Variants in CACNA1I observed in about 807,000 individuals in gnomAD.
CACNA1I encodes calcium voltage-gated channel subunit alpha1 I.
Under a neutral mutation model 201.6 loss-of-function variants are expected in CACNA1I, and 74 were observed. The ratio of observed to expected loss-of-function variants is 0.37; its 90% CI spans 0.30 to 0.45. The LOEUF (loss-of-function observed/expected upper bound fraction) is 0.45, where lower values mean the gene tolerates loss of function less well. Among genes scored for constraint, CACNA1I ranks in the 20% least tolerant of loss-of-function variants. The probability of loss-of-function intolerance (pLI) is 1.00; values close to 1 mark genes in which losing one functional copy is unlikely to be tolerated. For missense variants in CACNA1I, 2,346 were observed against 3,138.1 expected (o/e 0.75, Z 6.03); for synonymous variants, 1,431 against 1,345.2 (o/e 1.06, Z -1.40).
Position 39,679,111 on chromosome 22 carries a change from C to A in CACNA1I, c.5060C>A (p.Thr1687Lys). Residue 1687 changes from threonine to lysine, a missense_variant, in exon 32 of 37, where the codon ACG becomes AAG. By Grantham distance (78) the Thr-to-Lys change is moderately conservative. Coordinates refer to ENST00000402142, the MANE Select transcript of CACNA1I (RefSeq NM_021096.4). ...ACCGCCCTCCCTGCCACGCAGGACA[C>A]GCTGCGGGACTGCACCCACGACGAG... is the stretch of plus-strand genomic sequence containing the variant. ...GDNWNGIMKD[T>K]LRDCTHDERS... 1 of 1,583,734 alleles carries A rather than the reference C, an allele frequency of 6.3e-7. No individual in the cohort carries two copies. The highest frequency in any genetic ancestry group is 8.6e-7 in the Non-Finnish European group (1 of 1,164,634).
At chr22:39,586,462 A>C (rs1252239407) in intron 1 of CACNA1I, among the ~76,000 whole-genome samples, 1 of 152,126 alleles carries the variant, frequency 6.6e-6, no homozygotes, top group African/African-American at 2.4e-5. Context: ...ACTGCAATCC[A>C]GCCTGGGTGA....
At position 39,649,129 on chromosome 22, in the gene CACNA1I, C is replaced by A. The variant is rs2146429999; in HGVS notation, c.1568-372C>A. Among the ~76,000 whole-genome samples the A allele has an allele frequency of 6.6e-6, 1 of 152,344 alleles. No homozygotes were observed. The highest frequency in any genetic ancestry group is 1.9e-4 in the East Asian group (1 of 5,186). The stretch of plus-strand genomic sequence containing the variant: ...TGGCCTGACTCTTTCAGAATCACAT[C>A]TAGTTCCCAAGCTGCACGACTGGGG... On this transcript the variant is annotated intron_variant, in intron 9 of 36. Transcript: ENST00000402142. This position sits in a 1 kb window ranked among gnomAD's most constrained non-coding sequence, Gnocchi z 7.3.
At position 39,684,593 on chromosome 22, in the gene CACNA1I, A is replaced by C; in HGVS notation, c.6027+95A>C. The C allele has an allele frequency of 7.2e-7, 1 of 1,383,142 alleles. No individual in the cohort carries two copies. Among genetic ancestry groups the C allele is most frequent in the Non-Finnish European group, 1.0e-6 (1 of 996,222 alleles). The allele number at this position is 1,383,142 out of a possible 1,614,324, so 85.7% of individuals were successfully genotyped here. A position where few individuals can be genotyped will look rare whatever the true frequency, so the allele number is the denominator to read the frequency against. Reference sequence around the variant, plus strand: ...AGTCCAAGGGACTGGGAGGGGAAGGACCCAACCAAAGGCCGAGGGCACCAC... The same window carrying C: ...AGTCCAAGGGACTGGGAGGGGAAGGCCCCAACCAAAGGCCGAGGGCACCAC... On this transcript the variant is annotated intron_variant, in intron 36 of 36. Coordinates refer to ENST00000402142, the MANE Select transcript of CACNA1I (RefSeq NM_021096.4). The surrounding 1 kb of genome is among the most constrained non-coding windows in gnomAD (Gnocchi z 4.6).
At position 39,600,519 on chromosome 22, in the gene CACNA1I, G is replaced by A. The variant is rs1217255421; in HGVS notation, c.349-1G>A. ...TTGCTTCCCTCCTCCTGCCCCTGCA[G>A]GTCTTTGATGACTTCATCTTTATCT... On this transcript the variant is annotated splice_acceptor_variant, in intron 2 of 36. Coordinates refer to ENST00000402142, the MANE Select transcript of CACNA1I (RefSeq NM_021096.4). LOFTEE classifies it high-confidence loss of function. 1 of 1,610,972 alleles carries A rather than the reference G, an allele frequency of 6.2e-7. No homozygotes were observed. The highest frequency in any genetic ancestry group is 2.2e-5 in the East Asian group (1 of 44,676).
At chr22:39,578,010 G>A (rs1932416862) in intron 1 of CACNA1I, among the ~76,000 whole-genome samples, 1 of 151,856 alleles carries the variant, frequency 6.6e-6, no homozygotes, top group South Asian at 2.1e-4. Context: ...GTGCTGAGTG[G>A]CAGCTGTGTG....
At position 39,665,798 on chromosome 22, in the gene CACNA1I, G is replaced by A. The variant is rs769749596; in HGVS notation, c.3979-83G>A. ...CAGATGACTGAGCACAAGACAGTCT[G>A]AGTAAACGCGATCGAGAGGCGAGTT... On this transcript the variant is annotated intron_variant, in intron 22 of 36. Transcript: ENST00000402142. The surrounding 1 kb of genome is among the most constrained non-coding windows in gnomAD (Gnocchi z 5.5). 9 of 1,588,968 alleles carry A rather than the reference G, an allele frequency of 5.7e-6. No individual in the cohort carries two copies. Among genetic ancestry groups the A allele is most frequent in the South Asian group, 1.1e-5 (1 of 89,698 alleles).
At chr22:39,681,144 T>G in intron 34 of CACNA1I, 92 bp downstream of exon 34, 1 of 1,430,516 alleles carries the variant, frequency 7.0e-7, no homozygotes, top group South Asian at 1.4e-5. Flanking sequence ...CTTTCCAGTC[T>G]ACCATGTAAA....
At chr22:39,616,512 C>T (rs1311976018) in intron 3 of CACNA1I, among the ~76,000 whole-genome samples, 1 of 151,976 alleles carries the variant, frequency 6.6e-6, no homozygotes, top group African/African-American at 2.4e-5. Flanking sequence ...CGCCTGTAAT[C>T]CCAGCACTTT....
chr22:39,683,208 G>A (rs1423861309), intron 35 of CACNA1I, among the ~76,000 whole-genome samples: 3 of 152,094 alleles, frequency 2.0e-5, no homozygotes, highest in Non-Finnish European at 4.4e-5. Context: ...GACTAAGCTG[G>A]CCTGCCATCA....
rs547848213 is a variant in CACNA1I at position 39,670,800 on chromosome 22, C to T, written c.4388-3C>T. The T allele has an allele frequency of 1.2e-6, 2 of 1,613,868 alleles. No individual in the cohort carries two copies. The highest frequency in any genetic ancestry group is 3.3e-5 in the Admixed American group (2 of 60,022). ...TTTGCCACTCCCCCTGCACCACCTG[C>T]AGAGGCCCAGCGGCTGCCCTACTAT... is the stretch of plus-strand genomic sequence containing the variant. On this transcript the variant is annotated splice_polypyrimidine_tract_variant and splice_region_variant and intron_variant, in intron 25 of 36. Transcript: ENST00000402142.
intron 1 of CACNA1I, among the ~76,000 whole-genome samples, chr22:39,597,553 C>T (rs1932919021): frequency 6.6e-6 from 1 of 152,236 alleles, no homozygotes; most frequent in South Asian, 2.1e-4. Flanking sequence ...ACTGAGGGGC[C>T]CAGCCCCACC....
At chr22:39,654,484 C>T (rs902130518) in intron 10 of CACNA1I, among the ~76,000 whole-genome samples, 1 of 146,322 alleles carries the variant, frequency 6.8e-6, no homozygotes, top group Admixed American at 6.6e-5. Context: ...GTTACTGGCC[C>T]CAGCTCCCAG....
intron 32 of CACNA1I, 41 bp downstream of exon 32, chr22:39,679,486 G>C: frequency 2.3e-6 from 3 of 1,313,696 alleles, no homozygotes; most frequent in Non-Finnish European, 2.0e-6. Context: ...GCCAGAGGGG[G>C]GGCACCGCAG....
In CACNA1I at chr22:39,672,600, G is replaced by C. The variant is rs114651363; in HGVS notation, c.4649+292G>C. On this transcript the variant is annotated intron_variant, in intron 27 of 36. Transcript: ENST00000402142. ...TCATGCTAATACTCCTTTTTGAAGG[G>C]AATAGTGAGGCTCAAAGAAGTTGAT... Among the ~76,000 whole-genome samples, 887 of 152,308 alleles carry C rather than the reference G, an allele frequency of 5.8e-3. 2 individuals are homozygous for C. Among genetic ancestry groups the C allele is most frequent in the African/African-American group, 0.019 (806 of 41,558 alleles).
In CACNA1I at chr22:39,670,867, C is replaced by T; in HGVS notation, c.4452C>T (p.Cys1484=). The T allele has an allele frequency of 6.2e-7, 1 of 1,613,866 alleles. No homozygotes were observed. The highest frequency in any genetic ancestry group is 8.5e-7 in the Non-Finnish European group (1 of 1,179,804). ...CCCGGCTGCTCATCCACTCCATGTG[C>T]ACCAGCCACTACCTGGACATCTTCA... ...CHTRLLIHSM[C]TSHYLDIFIT... is the part of the protein sequence containing the mutation. The change falls in exon 26 of 37, where the codon TGC becomes TGT. Residue 1484 remains cysteine (C), a synonymous_variant. Coordinates refer to ENST00000402142, the MANE Select transcript of CACNA1I (RefSeq NM_021096.4).
chr22:39,641,410 A>G (rs944088161), intron 6 of CACNA1I, among the ~76,000 whole-genome samples: 1 of 152,272 alleles, frequency 6.6e-6, no homozygotes, highest in Non-Finnish European at 1.5e-5. Flanking sequence ...TGGCAAAAAT[A>G]GGCTCTTAAC....
chr22:39,669,360 C>G (rs537932361), intron 24 of CACNA1I, among the ~76,000 whole-genome samples: 2 of 152,226 alleles, frequency 1.3e-5, no homozygotes, highest in Admixed American at 6.5e-5. Flanking sequence ...TCCTCACCCC[C>G]ACCAGTGCAT....
In CACNA1I at chr22:39,676,223, C is replaced by G. The variant is rs996800544; in HGVS notation, c.4855-1118C>G. Among the ~76,000 whole-genome samples, 1 of 152,202 alleles carries G rather than the reference C, an allele frequency of 6.6e-6. No individual in the cohort carries two copies. The highest frequency in any genetic ancestry group is 1.5e-5 in the Non-Finnish European group (1 of 68,036). On this transcript the variant is annotated intron_variant, in intron 29 of 36. Coordinates refer to ENST00000402142, the MANE Select transcript of CACNA1I (RefSeq NM_021096.4). The surrounding 1 kb of genome is among the most constrained non-coding windows in gnomAD (Gnocchi z 4.8). Reference sequence around the variant, plus strand: ...GCACAAAGCTGAATTCCTAGAGCCGCGACCACGCCAGATCCTTCTCAGCGG... The same window carrying G: ...GCACAAAGCTGAATTCCTAGAGCCGGGACCACGCCAGATCCTTCTCAGCGG...
In CACNA1I at chr22:39,660,255, G is replaced by A. The variant is rs182473218; in HGVS notation, c.2605-89G>A. 133 of 966,778 alleles carry A rather than the reference G, an allele frequency of 1.4e-4. No individual in the cohort carries two copies. The East Asian group carries it at 3.1e-3, about 23-fold the overall frequency. The allele number at this position is 966,778 out of a possible 1,614,324, so 59.9% of individuals were successfully genotyped here. On this transcript the variant is annotated intron_variant, in intron 14 of 36. Transcript: ENST00000402142. ...CAGTTTTCCCATTTGCAAAATGGCG[G>A]TGGAAACACCCATAGAAAAATTCTA...
Sources: gnomAD v4.1 joint callset for allele counts (sites outside exome capture counted in the v4.1 genomes callset) on GRCh38, gnomAD v4.1.1 for gene constraint, Gnocchi (gnomAD v3.1) non-coding constraint, MANE v1.5 for transcripts, NCBI Gene and HGNC (gene_info 2026-07-23, HGNC 2026-07-21) for gene names.